CATSPERB: variants seen among roughly 807,000 people sequenced by gnomAD.
CATSPERB encodes the protein catsper channel auxiliary subunit beta.
In CATSPERB, 93 loss-of-function variants were observed where a neutral mutation model predicts 128.3. The ratio of observed to expected loss-of-function variants is 0.72; its 90% confidence interval spans 0.61 to 0.86. The LOEUF (loss-of-function observed/expected upper bound fraction) is 0.86. Ranked by LOEUF, CATSPERB falls within the 40% of genes least tolerant of loss-of-function variation. CATSPERB has a pLI of 0.00. For synonymous variants in CATSPERB, 381 were observed against 448.8 expected (o/e 0.85, Z 1.91); for missense variants, 1,153 against 1,329.5 (o/e 0.87, Z 2.06).
At chr14:91,668,444 A>ACTCTGTAAAATGGACCAATCAGTG (rs1260858414) in intron 14 of CATSPERB, among the ~76,000 whole-genome samples, 1 of 152,114 alleles carries the variant, frequency 6.6e-6, no homozygotes, top group Non-Finnish European at 1.5e-5. Context: ...ACCAATCAGC[A>ACTCTGTAAAATGGACCAATCAGTG]CTCTGTAAAA....
Position 91,687,784 on chromosome 14 carries a change from A to C in CATSPERB, c.864+3739T>G, listed in dbSNP as rs1419974313. Among the ~76,000 whole-genome samples, 6 of 152,112 alleles carry C rather than the reference A, an allele frequency of 3.9e-5. No individual in the cohort carries two copies. The East Asian group carries it at 5.8e-4, about 15-fold the overall frequency. ...AGCCTGGCTAACATGGTGAAACCCT[A>C]TCTCTACCAAAAATACAAAAATTAG... is the stretch of plus-strand genomic sequence containing the variant. On this transcript the variant is annotated intron_variant, in intron 10 of 26. Coordinates refer to ENST00000256343, the MANE Select transcript of CATSPERB (RefSeq NM_024764.4).
rs774417080 is a variant in CATSPERB at position 91,723,074 on chromosome 14, C to G, written c.284G>C (p.Gly95Ala). The G allele has an allele frequency of 1.3e-6, 2 of 1,505,176 alleles. No homozygotes were observed. Among genetic ancestry groups the G allele is most frequent in the East Asian group, 2.5e-5 (1 of 40,002 alleles). 93.2% of individuals were successfully genotyped at this position (1,505,176 alleles called of 1,614,324 possible). ...SLGIMNSTYN[G>A]IFHFNLTLFS... Reference sequence around the variant, plus strand: ...CAACGTTAAATTAAAGTGGAAGATGCCATTATATGTACTATTCATGATTCC... The same window carrying G: ...CAACGTTAAATTAAAGTGGAAGATGGCATTATATGTACTATTCATGATTCC... Residue 95 changes from glycine (G) to alanine (A), a missense_variant, in exon 4 of 27, where the codon GGC becomes GCC. Gly to Ala is a moderately conservative substitution (Grantham distance 60, BLOSUM62 0). Coordinates refer to ENST00000256343, the MANE Select transcript of CATSPERB (RefSeq NM_024764.4).
chr14:91,689,089 A>G (rs1366109839), intron 10 of CATSPERB, among the ~76,000 whole-genome samples: 1 of 152,170 alleles, frequency 6.6e-6, no homozygotes, highest in Non-Finnish European at 1.5e-5. Context: ...CACCTTGGAA[A>G]CAGAAGGGGT....
chr14:91,665,003 C>G (rs1217686861), intron 14 of CATSPERB, among the ~76,000 whole-genome samples: 1 of 152,130 alleles, frequency 6.6e-6, no homozygotes, highest in Non-Finnish European at 1.5e-5. Context: ...AAACCTTCCA[C>G]CTCAGCTTCC....
intron 10 of CATSPERB, among the ~76,000 whole-genome samples, chr14:91,687,915 T>C (rs898201776): frequency 2.1e-5 from 3 of 145,652 alleles, no homozygotes; most frequent in African/African-American, 7.6e-5. Context: ...AGATCACCAC[T>C]GCACTCCAGC....
intron 20 of CATSPERB, among the ~76,000 whole-genome samples, chr14:91,612,088 C>T (rs1743153): frequency 0.58 from 84,839 of 145,166 alleles, 25,111 homozygotes; most frequent in Admixed American, 0.66. Context: ...GAGATGAGAT[C>T]GCGCTCTGTC....
At chr14:91,676,508 A>G (rs1199490623) in intron 11 of CATSPERB, among the ~76,000 whole-genome samples, 1 of 150,656 alleles carries the variant, frequency 6.6e-6, no homozygotes, top group Non-Finnish European at 1.5e-5. Flanking sequence ...TCAGAGTTCT[A>G]AAGTTCTCTA....
intron 20 of CATSPERB, among the ~76,000 whole-genome samples, chr14:91,616,757 T>TTTTTTTTTTTTTTTTTTTTTTTTTTTC: frequency 6.8e-6 from 1 of 147,906 alleles, no homozygotes; most frequent in South Asian, 2.2e-4. Flanking sequence ...TTTTTTTTTT[T>TTTTTTTTTTTTTTTTTTTTTTTTTTTC]TGAGACAGAG....
chr14:91,638,660 G>A (rs756328640), intron 16 of CATSPERB, among the ~76,000 whole-genome samples: 1 of 152,070 alleles, frequency 6.6e-6, no homozygotes, highest in East Asian at 1.9e-4. Context: ...GGGCTGAAGC[G>A]ATCAACCCAC....
At chr14:91,690,527 CTCTTTTCACTCTCAT>C (rs1403313934) in intron 10 of CATSPERB, among the ~76,000 whole-genome samples, 1 of 152,194 alleles carries the variant, frequency 6.6e-6, no homozygotes, top group Non-Finnish European at 1.5e-5. Flanking sequence ...TGTGAACATT[CTCTTTTCACTCTCAT>C]TCTTGAGATA....
intron 7 of CATSPERB, among the ~76,000 whole-genome samples, chr14:91,697,072 T>C (rs1323633939): frequency 2.0e-5 from 3 of 152,162 alleles, no homozygotes; most frequent in African/African-American, 7.2e-5. Flanking sequence ...ATAGGATTTA[T>C]AGGCAGTACT....
At chr14:91,730,697 C>T (rs1415888207) in intron 1 of CATSPERB, among the ~76,000 whole-genome samples, 2 of 152,188 alleles carry the variant, frequency 1.3e-5, no homozygotes, top group Non-Finnish European at 2.9e-5. Context: ...AATTTGCCAA[C>T]TCTAAGTGGA....
intron 7 of CATSPERB, among the ~76,000 whole-genome samples, chr14:91,702,811 A>G (rs1895674197): frequency 6.6e-6 from 1 of 151,936 alleles, no homozygotes; most frequent in Non-Finnish European, 1.5e-5. Context: ...TCTTTATAAT[A>G]CCAGAACTTC....
chr14:91,617,457 T>G lies in CATSPERB; in HGVS notation c.2400+140A>C, dbSNP rs1399467556. 4.0e-5 allele frequency: 21 copies of G among 524,298 alleles called. 1 individual carries two copies. The South Asian group carries it at 5.9e-4, about 15-fold the overall frequency. The allele number at this position is 524,298 out of a possible 1,614,324, so 32.5% of individuals were successfully genotyped here. A position where few individuals can be genotyped will look rare whatever the true frequency, so the allele number is the denominator to read the frequency against. On this transcript the variant is annotated intron_variant, in intron 20 of 26. Coordinates refer to ENST00000256343, the MANE Select transcript of CATSPERB (RefSeq NM_024764.4). ...TATTACAACACTTTCTTCAATGTAT[T>G]TATCCTTGTAACCCTATACTCTTAT...
chr14:91,631,604 G>A (rs1894278320), intron 17 of CATSPERB, among the ~76,000 whole-genome samples: 1 of 152,112 alleles, frequency 6.6e-6, no homozygotes, highest in African/African-American at 2.4e-5. Flanking sequence ...GGCGGAGGTT[G>A]CAGTGAGCTG....
rs1893641162 is a variant in CATSPERB, at chr14:91,603,363, C to T, written c.2709+4931G>A. 4.3e-6 allele frequency: 7 copies of T among 1,609,702 alleles called. No individual in the cohort carries two copies. The South Asian group carries it at 7.7e-5, about 18-fold the overall frequency. On this transcript the variant is annotated intron_variant, in intron 22 of 26. Coordinates refer to ENST00000256343, the MANE Select transcript of CATSPERB (RefSeq NM_024764.4). ...CAACACTACATCAGGTAACTTTTTA[C>T]CTTTGCTAAATCCAACAGCCTCAAT... is the stretch of plus-strand genomic sequence containing the variant.
Position 91,621,676 on chromosome 14 carries a change from T to C in CATSPERB, c.2192A>G (p.Asn731Ser). The C allele has an allele frequency of 6.2e-7, 1 of 1,613,510 alleles. No homozygotes were observed. Residue 731 changes from asparagine (N) to serine (S), a missense_variant, in exon 19 of 27, where the codon AAC becomes AGC. Coordinates refer to ENST00000256343, the MANE Select transcript of CATSPERB (RefSeq NM_024764.4). ...WFQHDDSPSLNIVKYIDLGNS... is the reference protein window; with the variant it reads ...WFQHDDSPSLSIVKYIDLGNS... ...TCCCAGATCAATGTATTTCACGATG[T>C]TGAGGGATGGTGAATCATCATGTTG...
At chr14:91,672,838 A>G (rs1289756525) in intron 13 of CATSPERB, 29 bp downstream of exon 13, 2 of 1,493,018 alleles carry the variant, frequency 1.3e-6, no homozygotes, top group Non-Finnish European at 1.8e-6. Flanking sequence ...TCATGTCAAG[A>G]TAAATTCCCT....
At position 91,646,644 on chromosome 14, in the gene CATSPERB, G is replaced by A. The variant is rs563486904; in HGVS notation, c.1433-7394C>T. 3.9e-5 allele frequency among the ~76,000 whole-genome samples: 6 copies of A among 152,150 alleles called. No individual in the cohort carries two copies. The East Asian group carries it at 9.6e-4, about 24-fold the overall frequency. On this transcript the variant is annotated intron_variant, in intron 15 of 26. Coordinates refer to ENST00000256343, the MANE Select transcript of CATSPERB (RefSeq NM_024764.4). ...AATGCTTACTCTGCTTCAGCTACACGAGCCTGAGGTTGTCTATCTCCACAA... is the reference window on the plus strand; with the variant it reads ...AATGCTTACTCTGCTTCAGCTACACAAGCCTGAGGTTGTCTATCTCCACAA...
Sources: allele counts gnomAD v4.1 joint callset (sites outside exome capture counted in the v4.1 genomes callset), GRCh38; gene constraint gnomAD v4.1.1; transcripts MANE v1.5; gene names NCBI Gene and HGNC (gene_info 2026-07-23, HGNC 2026-07-21).